The following TENM3 variants were observed in gnomAD, a reference collection of about 807,000 sequenced individuals.
TENM3 encodes the protein teneurin transmembrane protein 3.
In TENM3, 63 loss-of-function variants were observed where a neutral mutation model predicts 255.1. The ratio of observed to expected loss-of-function variants is 0.25; its 90% CI spans 0.20 to 0.30. TENM3 has a LOEUF of 0.30. Ranked by LOEUF, TENM3 falls within the 10% of genes least tolerant of loss-of-function variation. The pLI is 1.00. For synonymous variants in TENM3, 1,306 were observed against 1,322.3 expected, an observed-to-expected ratio of 0.99 and a Z score of 0.27; for missense variants, 2,929 against 3,461.1, an observed-to-expected ratio of 0.85 and a Z score of 3.86.
intron 1 of TENM3, among the ~76,000 whole-genome samples, chr4:182,218,295 T>C (rs1200947533): frequency 1.3e-5 from 2 of 152,180 alleles, no homozygotes; most frequent in African/African-American, 4.8e-5. Context: ...GAAGAAAGGA[T>C]GTCCTTGGTC....
the TENM3 span, among the ~76,000 whole-genome samples, chr4:181,574,257 C>A: frequency 2.6e-5 from 4 of 152,276 alleles, no homozygotes; most frequent in Admixed American, 2.0e-4. Context: ...TCCGGCCGGG[C>A]GCGGTGGCTC....
chr4:182,684,485 C>T (rs960044864), intron 11 of TENM3, among the ~76,000 whole-genome samples: 13 of 145,094 alleles, frequency 9.0e-5, no homozygotes, highest in African/African-American at 1.0e-4. Context: ...GGCAATATGA[C>T]GTTGGGCAAT....
the TENM3 span, among the ~76,000 whole-genome samples, chr4:181,622,201 A>T: frequency 3.3e-5 from 5 of 152,162 alleles, no homozygotes; most frequent in Admixed American, 1.3e-4. Context: ...TCCAGGAAGC[A>T]GTGGTCAGCT....
intron 26 of TENM3, among the ~76,000 whole-genome samples, chr4:182,795,920 C>A (rs1225249259): frequency 6.6e-6 from 1 of 152,236 alleles, no homozygotes; most frequent in Non-Finnish European, 1.5e-5. Flanking sequence ...AACATTATAA[C>A]CTCCAGAATA....
the TENM3 span, among the ~76,000 whole-genome samples, chr4:181,484,590 C>T: frequency 6.6e-6 from 1 of 151,984 alleles, no homozygotes; most frequent in East Asian, 1.9e-4. Context: ...ACACTAGAGG[C>T]CTATTGATTT....
At chr4:182,093,278 C>T in the TENM3 span, among the ~76,000 whole-genome samples, 10 of 152,170 alleles carry the variant, frequency 6.6e-5, no homozygotes, top group Admixed American at 6.5e-4. Flanking sequence ...AAGAGGTTCT[C>T]ATGAATTATT....
chr4:181,522,875 T>C, the TENM3 span: 1 of 997,680 alleles, frequency 1.0e-6, no homozygotes, highest in Admixed American at 1.8e-5. Flanking sequence ...GTGCTGTTAT[T>C]GTGGTTGTGA....
intron 3 of TENM3, among the ~76,000 whole-genome samples, chr4:182,507,830 G>C (rs10520534): frequency 0.076 from 11,597 of 152,208 alleles, 504 homozygotes; most frequent in East Asian, 0.11. Flanking sequence ...AGATCTTAGA[G>C]ACCTTAGAAT....
At chr4:181,476,254 C>G in the TENM3 span, among the ~76,000 whole-genome samples, 1 of 149,278 alleles carries the variant, frequency 6.7e-6, no homozygotes, top group Non-Finnish European at 1.5e-5. Flanking sequence ...ACCCTAGCAC[C>G]AGGAATATTA....
chr4:182,567,134 G>A (rs1342141472), intron 3 of TENM3, among the ~76,000 whole-genome samples: 1 of 152,286 alleles, frequency 6.6e-6, no homozygotes, highest in Middle Eastern at 3.4e-3. Context: ...GTCGTAGAGC[G>A]CAAAAGGGAG....
At chr4:182,484,693 C>A (rs938621821) in intron 3 of TENM3, among the ~76,000 whole-genome samples, 9 of 152,110 alleles carry the variant, frequency 5.9e-5, no homozygotes, top group Admixed American at 1.3e-4. Context: ...CTGGAGTACC[C>A]ATTTCAAAAT....
chr4:182,764,485 C>T (rs373358053), intron 22 of TENM3, among the ~76,000 whole-genome samples: 43 of 152,210 alleles, frequency 2.8e-4, no homozygotes, highest in African/African-American at 8.4e-4. Context: ...CATCTAAATC[C>T]GATTGAGAAC....
chr4:182,743,197 A>G lies in TENM3; in HGVS notation c.3407A>G (p.Asn1136Ser). 6.2e-7 allele frequency: 1 copy of G among 1,613,448 alleles called. No individual in the cohort carries two copies. Among genetic ancestry groups the G allele is most frequent in the East Asian group, 2.2e-5 (1 of 44,864 alleles). The change falls in exon 19 of 28, where the codon AAC (asparagine) becomes AGC (serine). Residue 1136 changes from asparagine to serine, a missense_variant. Asn to Ser is a conservative substitution (Grantham distance 46, BLOSUM62 1). Around this residue, in one of 6 missense-constraint regions of TENM3, gnomAD observed 1,608 missense variants for 1,884.4 expected, o/e 0.85. Transcript: ENST00000511685. Reference protein sequence around the residue: ...NGILYKGNGENQFISQQPPVV... With the variant: ...NGILYKGNGESQFISQQPPVV... ...ATACTGTACAAGGGAAACGGGGAAA[A>G]CCAGTTCATCTCCCAGCAGCCTCCA...
At chr4:182,102,373 G>A in the TENM3 span, among the ~76,000 whole-genome samples, 3 of 152,150 alleles carry the variant, frequency 2.0e-5, no homozygotes, top group South Asian at 6.2e-4. Flanking sequence ...AAACCCTTGA[G>A]GATGACTTCG....
the TENM3 span, among the ~76,000 whole-genome samples, chr4:181,861,023 A>G: frequency 1.3e-5 from 2 of 152,240 alleles, no homozygotes; most frequent in Non-Finnish European, 2.9e-5. Flanking sequence ...AATTAAAAAG[A>G]AAGAAACTAA....
At chr4:182,751,659 A>G (rs1369032613) in intron 19 of TENM3, 141 bp from the exon 20 acceptor site, 7 of 627,646 alleles carry the variant, frequency 1.1e-5, no homozygotes, top group Admixed American at 2.7e-5. Flanking sequence ...TATTAAATAG[A>G]CAGTACTATT....
chr4:182,191,950 C>A (rs573385638), intron 1 of TENM3, among the ~76,000 whole-genome samples: 1 of 152,198 alleles, frequency 6.6e-6, no homozygotes, highest in East Asian at 1.9e-4. Flanking sequence ...ACATAATTAC[C>A]GTTTTAGAGC....
intron 1 of TENM3, among the ~76,000 whole-genome samples, chr4:182,290,108 G>C (rs1761017820): frequency 6.6e-6 from 1 of 152,166 alleles, no homozygotes; most frequent in Non-Finnish European, 1.5e-5. Context: ...CCAGCCACTT[G>C]CTGTCTTCCT....
intron 3 of TENM3, among the ~76,000 whole-genome samples, chr4:182,503,297 G>T (rs1736498916): frequency 1.3e-5 from 2 of 152,092 alleles, no homozygotes; most frequent in Admixed American, 1.3e-4. Flanking sequence ...TCTGCCATTT[G>T]TCTTACAGGG....
Sources: allele counts gnomAD v4.1 joint callset (sites outside exome capture counted in the v4.1 genomes callset), GRCh38; gene constraint gnomAD v4.1.1; regional missense constraint gnomAD v4.1.1; transcripts MANE v1.5; gene names NCBI Gene and HGNC (gene_info 2026-07-23, HGNC 2026-07-21).